MYO9A: variants seen among roughly 807,000 people sequenced by gnomAD.
MYO9A encodes unconventional myosin-IXa.
MYO9A carries 103 observed loss-of-function variants against 293.3 expected under a neutral mutation model. The observed-to-expected ratio is 0.35, with a 90% CI of 0.30 to 0.41. MYO9A has a LOEUF of 0.41. Ranked by LOEUF, MYO9A falls within the 10% of genes least tolerant of loss-of-function variation. MYO9A has a pLI of 1.00. For missense variants in MYO9A, 2,685 were observed against 3,033.0 expected, an observed-to-expected ratio of 0.89 and a Z score of 2.69; for synonymous variants, 1,001 against 1,035.7, an observed-to-expected ratio of 0.97 and a Z score of 0.64.
chr15:72,098,495 A>G (rs2080140550), intron 1 of MYO9A, among the ~76,000 whole-genome samples: 1 of 152,220 alleles, frequency 6.6e-6, no homozygotes, highest in Admixed American at 6.5e-5. Context: ...CCAATAAATG[A>G]AAAATATTTT....
intron 39 of MYO9A, among the ~76,000 whole-genome samples, chr15:71,843,618 A>G (rs73432497): frequency 0.079 from 12,004 of 152,090 alleles, 1,585 homozygotes; most frequent in African/African-American, 0.27. Flanking sequence ...CCTTCCAAGT[A>G]TCTGGGACTA....
intron 18 of MYO9A, among the ~76,000 whole-genome samples, chr15:71,924,902 G>A (rs1444238526): frequency 6.6e-6 from 1 of 150,446 alleles, no homozygotes; most frequent in South Asian, 2.1e-4. Flanking sequence ...TCTAGGTGAA[G>A]AATGAAACTT....
intron 39 of MYO9A, among the ~76,000 whole-genome samples, chr15:71,840,832 C>T (rs957011587): frequency 6.6e-6 from 1 of 152,172 alleles, no homozygotes; most frequent in Non-Finnish European, 1.5e-5. Flanking sequence ...AGGGTTTCAC[C>T]ACGTTAGCCA....
At chr15:71,873,665 T>G (rs1003521348) in intron 32 of MYO9A, among the ~76,000 whole-genome samples, 4 of 152,230 alleles carry the variant, frequency 2.6e-5, no homozygotes, top group African/African-American at 9.6e-5. Context: ...GTTACTTCAC[T>G]TTAATTTGAC....
chr15:71,999,826 T>C, intron 9 of MYO9A, 25 bp downstream of exon 9: 1 of 1,590,192 alleles, frequency 6.3e-7, no homozygotes, highest in East Asian at 2.3e-5. Context: ...CAGAATGCTT[T>C]CATTTCAAAG....
At chr15:71,931,503 A>G (rs1192434461) in intron 18 of MYO9A, among the ~76,000 whole-genome samples, 1 of 152,026 alleles carries the variant, frequency 6.6e-6, no homozygotes, top group East Asian at 1.9e-4. Flanking sequence ...TTGCTTTTTC[A>G]TTGTTGCTTT....
chr15:71,869,176 C>T (rs1368062083), intron 32 of MYO9A, among the ~76,000 whole-genome samples: 1 of 152,150 alleles, frequency 6.6e-6, no homozygotes, highest in African/African-American at 2.4e-5. Context: ...CACTTATTTA[C>T]ATGGTCTGAA....
intron 1 of MYO9A, among the ~76,000 whole-genome samples, chr15:72,102,945 T>A (rs2080408090): frequency 6.6e-6 from 1 of 151,656 alleles, no homozygotes; most frequent in Admixed American, 6.6e-5. Context: ...CAGAAGAATC[T>A]ACAGATAAAT....
chr15:71,990,688 C>T (rs748883552), intron 11 of MYO9A, among the ~76,000 whole-genome samples: 126 of 147,676 alleles, frequency 8.5e-4, no homozygotes, highest in African/African-American at 1.9e-3. Flanking sequence ...ACCCGCGAGG[C>T]GGAGCTTGCA....
At chr15:71,960,238 G>T in intron 13 of MYO9A, 142 bp from the exon 14 acceptor site, 1 of 694,310 alleles carries the variant, frequency 1.4e-6, no homozygotes, top group Non-Finnish European at 2.4e-6. Flanking sequence ...ATGGGGCCTG[G>T]TAGGAGGTGT....
rs1179478646 is a variant in MYO9A at position 71,878,037 on chromosome 15, T to C, written c.5931+3A>G. 6.3e-7 allele frequency: 1 copy of C among 1,582,108 alleles called. No homozygotes were observed. Among genetic ancestry groups the C allele is most frequent in the African/African-American group, 1.4e-5 (1 of 73,286 alleles). ...TTAAGTAATCAAAATATATCACATT[T>C]ACCTTTGTGGCTGTGCAATCTGAAG... On this transcript the variant is annotated splice_donor_region_variant and intron_variant, in intron 31 of 41. Coordinates refer to ENST00000356056, the MANE Select transcript of MYO9A (RefSeq NM_006901.4).
chr15:71,994,088 T>A (rs1223759943), intron 10 of MYO9A, among the ~76,000 whole-genome samples: 1 of 152,178 alleles, frequency 6.6e-6, no homozygotes, highest in Non-Finnish European at 1.5e-5. Flanking sequence ...AATGGATGGA[T>A]TTATGGTACA....
chr15:72,020,331 T>C (rs911966709), intron 5 of MYO9A, among the ~76,000 whole-genome samples: 5 of 152,158 alleles, frequency 3.3e-5, no homozygotes, highest in Non-Finnish European at 7.4e-5. Flanking sequence ...AAAGTAAGAA[T>C]TACTCCTCAA....
Position 71,991,105 on chromosome 15 carries a change from G to A in MYO9A, c.1720C>T (p.Gln574Ter). 1 of 1,596,882 alleles carries A rather than the reference G, an allele frequency of 6.3e-7. No homozygotes were observed. The highest frequency in any genetic ancestry group is 1.7e-4 in the Middle Eastern group (1 of 5,878). Residue 574 changes from glutamine (Q) to a stop codon, truncating the protein, a stop_gained and splice_region_variant, in exon 11 of 42, where the codon CAA (glutamine) becomes TAA (stop). Coordinates refer to ENST00000356056, the MANE Select transcript of MYO9A (RefSeq NM_006901.4). LOFTEE classifies it high-confidence loss of function. ...TGTATACATATTTAGGTACTCACTT[G>A]TTCCAATTTAAAGATATGCTGATTA... is the stretch of plus-strand genomic sequence containing the variant. The part of the protein sequence containing the change: ...YFNQHIFKLE[Q>*]EEYRTEGISW...
At chr15:72,051,189 C>T (rs747718170) in intron 1 of MYO9A, among the ~76,000 whole-genome samples, 29 of 152,344 alleles carry the variant, frequency 1.9e-4, no homozygotes, top group Middle Eastern at 3.4e-3. Flanking sequence ...CTCAGTCTCC[C>T]GAGTAGCTGG....
intron 1 of MYO9A, among the ~76,000 whole-genome samples, chr15:72,087,305 C>G (rs1016267096): frequency 6.6e-6 from 1 of 152,174 alleles, no homozygotes; most frequent in Non-Finnish European, 1.5e-5. Flanking sequence ...CAAGTCAAGC[C>G]TAGGGAGATG....
At chr15:71,935,570 A>C in intron 16 of MYO9A, 86 bp from the exon 17 acceptor site, 1 of 1,311,240 alleles carries the variant, frequency 7.6e-7, no homozygotes, top group South Asian at 1.7e-5. Flanking sequence ...TTTAAATACT[A>C]AAGTTAAAAT....
intron 13 of MYO9A, among the ~76,000 whole-genome samples, chr15:71,965,222 C>T (rs2075843310): frequency 1.3e-5 from 2 of 151,798 alleles, no homozygotes; most frequent in Admixed American, 6.6e-5. Context: ...TCTAAGTTAT[C>T]CTTATGATGT....
intron 13 of MYO9A, among the ~76,000 whole-genome samples, chr15:71,967,427 A>G (rs2075905395): frequency 6.6e-6 from 1 of 152,210 alleles, no homozygotes; most frequent in Admixed American, 6.5e-5. Context: ...CCAGGAGAAA[A>G]CATTTAATTC....
Sources: allele counts gnomAD v4.1 joint callset (sites outside exome capture counted in the v4.1 genomes callset), GRCh38; gene constraint gnomAD v4.1.1; transcripts MANE v1.5; gene names NCBI Gene and HGNC (gene_info 2026-07-23, HGNC 2026-07-21).